TFAP2D: variants seen among roughly 807,000 people sequenced by gnomAD.
TFAP2D encodes the protein transcription factor AP-2-delta.
A neutral mutation model predicts 43.6 loss-of-function variants in TFAP2D; 9 were observed. That is an observed-to-expected ratio of 0.21 (90% CI 0.12 to 0.36). The LOEUF is 0.36. Among genes scored for constraint, TFAP2D ranks in the 10% least tolerant of loss-of-function variants. The pLI, the probability that TFAP2D is intolerant of heterozygous loss-of-function variation, is 1.00. For missense variants in TFAP2D, 513 were observed against 561.4 expected (o/e 0.91, Z 0.87); for synonymous variants, 256 against 224.9 (o/e 1.14, Z -1.24).
intron 7 of TFAP2D, 122 bp downstream of exon 7, chr6:50,751,446 A>G (rs1226611860): frequency 1.5e-6 from 1 of 659,348 alleles, no homozygotes; most frequent in African/African-American, 1.8e-5. Flanking sequence ...GTCCTTTCAG[A>G]TGGGCTATAA....
chr6:50,761,296 A>G (rs1482342751), intron 7 of TFAP2D, among the ~76,000 whole-genome samples: 6 of 151,826 alleles, frequency 4.0e-5, no homozygotes, highest in Non-Finnish European at 7.4e-5. Flanking sequence ...AACTTTACAA[A>G]ATGAAATTAG....
chr6:50,731,150 A>C (rs1343881524), intron 5 of TFAP2D, among the ~76,000 whole-genome samples: 1 of 151,552 alleles, frequency 6.6e-6, no homozygotes, highest in East Asian at 1.9e-4. Context: ...TTGCCATCCT[A>C]CTCTTTCTGC....
intron 6 of TFAP2D, among the ~76,000 whole-genome samples, chr6:50,748,963 T>C (rs1302980397): frequency 6.6e-6 from 1 of 151,802 alleles, no homozygotes; most frequent in East Asian, 1.9e-4. Flanking sequence ...AATATGACAT[T>C]TTGCCTTGAG....
intron 5 of TFAP2D, among the ~76,000 whole-genome samples, chr6:50,740,417 A>G (rs1013061003): frequency 6.6e-6 from 1 of 152,010 alleles, no homozygotes; most frequent in Non-Finnish European, 1.5e-5. Context: ...AATTTTAAAG[A>G]AAGAATTTTG....
intron 5 of TFAP2D, among the ~76,000 whole-genome samples, chr6:50,735,361 G>A (rs2235497): frequency 0.48 from 72,473 of 151,784 alleles, 17,845 homozygotes; most frequent in African/African-American, 0.59. Flanking sequence ...GATAGAAAAA[G>A]GGTTACCAAT....
intron 7 of TFAP2D, among the ~76,000 whole-genome samples, chr6:50,762,646 C>A (rs1769378749): frequency 6.6e-6 from 1 of 152,028 alleles, no homozygotes; most frequent in African/African-American, 2.4e-5. Context: ...AAAATAGGAG[C>A]TTTTAAAACC....
chr6:50,714,175 G>T lies in TFAP2D; in HGVS notation c.39+81G>T, dbSNP rs1425278014. The T allele has an allele frequency of 2.1e-6, 3 of 1,419,208 alleles. No individual in the cohort carries two copies. In the African/African-American group the frequency reaches 4.4e-5, roughly 21 times the overall value. The allele number at this position is 1,419,208 out of a possible 1,614,324, so 87.9% of individuals were successfully genotyped here. A position where few individuals can be genotyped will look rare whatever the true frequency, so the allele number is the denominator to read the frequency against. On this transcript the variant is annotated intron_variant, in intron 1 of 7. Coordinates refer to ENST00000008391, the MANE Select transcript of TFAP2D (RefSeq NM_172238.4). ...GGCGGTGGCGGCGGTGGCGGCGGCGGTGGCAGCCTCCCCTGTCTCTAATCT... is the reference window on the plus strand; with the variant it reads ...GGCGGTGGCGGCGGTGGCGGCGGCGTTGGCAGCCTCCCCTGTCTCTAATCT...
chr6:50,750,797 G>T (rs1471739578), intron 6 of TFAP2D, among the ~76,000 whole-genome samples: 1 of 152,022 alleles, frequency 6.6e-6, no homozygotes, highest in African/African-American at 2.4e-5. Flanking sequence ...TCCAAAGTCT[G>T]TTTGAATAAT....
chr6:50,733,439 C>G (rs1267852060), intron 5 of TFAP2D, among the ~76,000 whole-genome samples: 3 of 152,192 alleles, frequency 2.0e-5, no homozygotes, highest in African/African-American at 7.2e-5. Context: ...CTGAAAAATA[C>G]AGTGGCTTGG....
intron 5 of TFAP2D, among the ~76,000 whole-genome samples, chr6:50,737,196 G>A (rs1305360649): frequency 1.3e-5 from 2 of 152,010 alleles, no homozygotes; most frequent in Non-Finnish European, 2.9e-5. Flanking sequence ...TGCCCAGGTT[G>A]GCCTGGCTCA....
At chr6:50,745,293 T>A in intron 6 of TFAP2D, 45 bp downstream of exon 6, 1 of 1,598,694 alleles carries the variant, frequency 6.3e-7, no homozygotes, top group Non-Finnish European at 8.5e-7. Flanking sequence ...TCTTCAGTAT[T>A]TTTTTTTCAT....
chr6:50,732,761 A>G (rs9395616), intron 5 of TFAP2D, among the ~76,000 whole-genome samples: 48,159 of 151,918 alleles, frequency 0.32, 7,824 homozygotes, highest in East Asian at 0.43. Context: ...TAGCAAATGA[A>G]CATTTGTTTT....
At chr6:50,730,657 A>T (rs1488228365) in intron 5 of TFAP2D, among the ~76,000 whole-genome samples, 1 of 152,304 alleles carries the variant, frequency 6.6e-6, no homozygotes, top group East Asian at 1.9e-4. Flanking sequence ...TTCAAGAATC[A>T]TATGGGTGGT....
chr6:50,713,849 G>T lies in TFAP2D; in HGVS notation c.-207G>T. The T allele has an allele frequency of 3.0e-6, 2 of 669,806 alleles. No homozygotes were observed. Among genetic ancestry groups the T allele is most frequent in the Non-Finnish European group, 2.5e-6 (1 of 400,756 alleles). 41.5% of individuals were successfully genotyped at this position (669,806 alleles called of 1,614,324 possible). On this transcript the variant is annotated 5_prime_UTR_variant, in exon 1 of 8. The change creates a new upstream start codon in the 5' untranslated region. Coordinates refer to ENST00000008391, the MANE Select transcript of TFAP2D (RefSeq NM_172238.4). ...TTCCAGGGAGCTGCTTTTGTGCAGA[G>T]GGAAAATTTTGTTCCTACAGGTTTT...
intron 5 of TFAP2D, among the ~76,000 whole-genome samples, chr6:50,744,731 G>A (rs775385939): frequency 8.5e-5 from 13 of 152,202 alleles, no homozygotes; most frequent in Middle Eastern, 6.8e-3. Context: ...TAGGTTGTAG[G>A]CTCAGCAGCC....
intron 3 of TFAP2D, among the ~76,000 whole-genome samples, chr6:50,724,338 G>T (rs193115201): frequency 2.6e-5 from 4 of 152,306 alleles, no homozygotes; most frequent in Admixed American, 2.6e-4. Context: ...AATCCCTGCC[G>T]TTTGTATTTC....
chr6:50,735,143 C>T (rs1768944910), intron 5 of TFAP2D, among the ~76,000 whole-genome samples: 1 of 152,064 alleles, frequency 6.6e-6, no homozygotes, highest in Admixed American at 6.6e-5. Flanking sequence ...AGAATAAAGT[C>T]ATTATTCTCA....
At chr6:50,755,016 T>C (rs1191885083) in intron 7 of TFAP2D, among the ~76,000 whole-genome samples, 1 of 151,978 alleles carries the variant, frequency 6.6e-6, no homozygotes, top group Non-Finnish European at 1.5e-5. Context: ...TGGTGTCAAA[T>C]CCAGGAAATC....
At position 50,772,941 on chromosome 6, in the gene TFAP2D, T is replaced by G; in HGVS notation, c.*77T>G. 3 of 1,311,364 alleles carry G rather than the reference T, an allele frequency of 2.3e-6. No homozygotes were observed. Among genetic ancestry groups the G allele is most frequent in the Non-Finnish European group, 3.2e-6 (3 of 948,508 alleles). 81.2% of individuals were successfully genotyped at this position (1,311,364 alleles called of 1,614,324 possible). A position where few individuals can be genotyped will look rare whatever the true frequency, so the allele number is the denominator to read the frequency against. On this transcript the variant is annotated 3_prime_UTR_variant, in exon 8 of 8. Coordinates refer to ENST00000008391, the MANE Select transcript of TFAP2D (RefSeq NM_172238.4). ...TAATATATATATCATTGAGGGTGACTAATCTTCAGTGGACCAAATCTCTAC... is the reference window on the plus strand; with the variant it reads ...TAATATATATATCATTGAGGGTGACGAATCTTCAGTGGACCAAATCTCTAC...
Sources: allele counts gnomAD v4.1 joint callset (sites outside exome capture counted in the v4.1 genomes callset), GRCh38; gene constraint gnomAD v4.1.1; transcripts MANE v1.5; gene names NCBI Gene and HGNC (gene_info 2026-07-23, HGNC 2026-07-21).